Variants in TMEM165 observed in about 807,000 individuals in gnomAD.
The protein encoded by TMEM165 is transmembrane protein 165, also known as putative divalent cation/proton antiporter TMEM165.
TMEM165 carries 19 observed loss-of-function variants against 30.0 expected under a neutral mutation model. The observed-to-expected ratio is 0.63, with a 90% CI of 0.44 to 0.93. The LOEUF (loss-of-function observed/expected upper bound fraction) is 0.93. Among genes scored for constraint, TMEM165 ranks in the 40% least tolerant of loss-of-function variants. The pLI is 0.00. For synonymous variants in TMEM165, 168 were observed against 162.9 expected, an observed-to-expected ratio of 1.03 and a Z score of -0.24; for missense variants, 340 against 417.0, an observed-to-expected ratio of 0.82 and a Z score of 1.61.
intron 1 of TMEM165, chr4:55,397,276 G>T (rs1720764889): frequency 6.6e-6 from 1 of 152,170 alleles, no homozygotes; most frequent in South Asian, 2.1e-4. Flanking sequence ...TCGTCGGTGA[G>T]TTGCCTCCAC....
intron 1 of TMEM165, among the ~76,000 whole-genome samples, chr4:55,402,409 A>G (rs537290036): frequency 0.026 from 1,009 of 38,738 alleles, 57 homozygotes; most frequent in African/African-American, 0.12. Flanking sequence ...GTGTGTATAT[A>G]TATATATATA....
In TMEM165 at chr4:55,405,545, C is replaced by A. The variant is rs201323509; in HGVS notation, c.208-6069C>A. On this transcript the variant is annotated intron_variant, in intron 1 of 5. Transcript: ENST00000381334. ...TGTTTTTATTCCCCTTTCCGACATA[C>A]CTTTTAAGAGTACTAAATACATAAT... is the stretch of plus-strand genomic sequence containing the variant. Among the ~76,000 whole-genome samples the A allele has an allele frequency of 4.6e-5, 7 of 152,274 alleles. No homozygotes were observed. In the East Asian group the frequency reaches 1.2e-3, roughly 25 times the overall value.
At chr4:55,442,567 A>AGAGTGC (rs1213700776) in intron 3 of TMEM165, 1 of 1,612,012 alleles carries the variant, frequency 6.2e-7, no homozygotes, top group East Asian at 2.2e-5. Flanking sequence ...TGGGGCTGTA[A>AGAGTGC]GAGTGCTCTG....
chr4:55,403,965 GA>G (rs902399174), intron 1 of TMEM165, among the ~76,000 whole-genome samples: 1 of 147,766 alleles, frequency 6.8e-6, no homozygotes, highest in African/African-American at 2.5e-5. Context: ...GGAAAAGAAA[GA>G]AAAAGGTCAT....
At chr4:55,408,241 C>G (rs1721352305) in intron 1 of TMEM165, among the ~76,000 whole-genome samples, 1 of 152,178 alleles carries the variant, frequency 6.6e-6, no homozygotes, top group Admixed American at 6.5e-5. Flanking sequence ...TAGTATGTAA[C>G]AAGCTTTATG....
At chr4:55,400,330 TA>T (rs1431921885) in intron 1 of TMEM165, among the ~76,000 whole-genome samples, 4 of 76,214 alleles carry the variant, frequency 5.2e-5, no homozygotes, top group Non-Finnish European at 9.9e-5. Context: ...GTATTATATA[TA>T]ATATAATATT....
At chr4:55,426,543 G>A (rs570691389), downstream of TMEM165, among the ~76,000 whole-genome samples, 5 of 152,300 alleles carry the variant, frequency 3.3e-5, no homozygotes, top group Admixed American at 3.3e-4. Flanking sequence ...TAGCATAACA[G>A]CTGCTTTCTC....
chr4:55,408,680 A>G (rs1185296917), intron 1 of TMEM165, among the ~76,000 whole-genome samples: 3 of 152,204 alleles, frequency 2.0e-5, no homozygotes, highest in African/African-American at 4.8e-5. Flanking sequence ...AGATTAAATA[A>G]TGTGGCTGAA....
At chr4:55,414,963 T>G (rs1370523343) in intron 2 of TMEM165, among the ~76,000 whole-genome samples, 1 of 152,226 alleles carries the variant, frequency 6.6e-6, no homozygotes, top group Non-Finnish European at 1.5e-5. Flanking sequence ...TTAATTTTGG[T>G]GACCCAGTCA....
chr4:55,413,258 G>A (rs1721588232), intron 2 of TMEM165, among the ~76,000 whole-genome samples: 1 of 151,784 alleles, frequency 6.6e-6, no homozygotes, highest in Non-Finnish European at 1.5e-5. Flanking sequence ...GATATTATAG[G>A]TATGTGTGCC....
rs1193081719 is a variant in TMEM165, at chr4:55,400,386, AT to A, written c.207+3991del. Among the ~76,000 whole-genome samples, 31 of 124,152 alleles carry A rather than the reference AT, an allele frequency of 2.5e-4. No individual in the cohort carries two copies. The East Asian group carries it at 5.1e-3, about 20-fold the overall frequency. 81.4% of individuals were successfully genotyped at this position (124,152 alleles called of 152,430 possible). A position where few individuals can be genotyped will look rare whatever the true frequency, so the allele number is the denominator to read the frequency against. The stretch of plus-strand genomic sequence containing the variant: ...AATTAATTATATTAATATAATAATA[AT>A]AAATAATATTAATATAATTAATATA... On this transcript the variant is annotated intron_variant, in intron 1 of 5. Coordinates refer to ENST00000381334, the MANE Select transcript of TMEM165 (RefSeq NM_018475.5).
rs547233788 is a variant in TMEM165 at position 55,411,742 on chromosome 4, G to C, written c.336G>C (p.Lys112Asn). 1 of 1,614,144 alleles carries C rather than the reference G, an allele frequency of 6.2e-7. No individual in the cohort carries two copies. The highest frequency in any genetic ancestry group is 1.1e-5 in the South Asian group (1 of 91,084). Residue 112 changes from lysine to asparagine, a missense_variant, in exon 2 of 6, where the codon AAG (lysine) becomes AAC (asparagine). Physicochemically the swap from Lys to Asn is moderately conservative, Grantham distance 94 (BLOSUM62 0). Around this residue, in one of 2 missense-constraint regions of TMEM165, gnomAD observed 220 missense variants for 307.6 expected, o/e 0.72. Transcript: ENST00000381334. ...TTATTGTATCTGAATTGGGTGATAA[G>C]ACATTTTTTATAGCAGCCATCATGG... ...SVIIVSELGD[K>N]TFFIAAIMAM...
intron 3 of TMEM165, chr4:55,450,007 G>A (rs997715322): frequency 8.1e-6 from 12 of 1,490,086 alleles, no homozygotes; most frequent in South Asian, 3.5e-5. Context: ...TTAAAGAAGC[G>A]TTTGATGAGA....
intron 1 of TMEM165, among the ~76,000 whole-genome samples, chr4:55,407,739 G>A (rs527395655): frequency 1.6e-4 from 24 of 152,162 alleles, no homozygotes; most frequent in Non-Finnish European, 2.9e-4. Context: ...AGACCATTAC[G>A]TTTCTTAAAA....
chr4:55,429,853 G>T (rs1243702496), downstream of TMEM165: 1 of 152,216 alleles, frequency 6.6e-6, no homozygotes, highest in African/African-American at 2.4e-5. Flanking sequence ...CTTGAGGAGG[G>T]AAGTGCAGGG....
At chr4:55,397,545 C>T (rs1317865176) in intron 1 of TMEM165, 1 of 152,064 alleles carries the variant, frequency 6.6e-6, no homozygotes, top group East Asian at 1.9e-4. Context: ...CTCTTCCCAC[C>T]TTGGAGAACC....
At chr4:55,452,652 A>C (rs1473222628) in exon 4 of TMEM165, 1 of 186,546 alleles carries the variant, frequency 5.4e-6, no homozygotes, top group Non-Finnish European at 1.1e-5. Context: ...TCCAATTCTG[A>C]CTATAATTTC....
chr4:55,412,068 G>A (rs1721525612), intron 2 of TMEM165: 5 of 584,680 alleles, frequency 8.6e-6, no homozygotes, highest in Admixed American at 3.0e-5. Context: ...TTAAGGAATT[G>A]CAAAGATCTA....
chr4:55,453,067 G>A (rs1262728513), exon 4 of TMEM165: 4 of 1,609,484 alleles, frequency 2.5e-6, no homozygotes, highest in Admixed American at 3.3e-5. Context: ...GTCAGCAGCT[G>A]TCTCAGGAAG....
Sources: gnomAD v4.1 joint callset for allele counts (sites outside exome capture counted in the v4.1 genomes callset) on GRCh38, gnomAD v4.1.1 for gene constraint, gnomAD v4.1.1 regional missense constraint, MANE v1.5 for transcripts, NCBI Gene and HGNC (gene_info 2026-07-23, HGNC 2026-07-21) for gene names.